Variants in BCKDK observed in about 807,000 individuals in gnomAD.
BCKDK encodes the protein branched-chain alpha-ketoacid dehydrogenase kinase.
A neutral mutation model predicts 43.9 loss-of-function variants in BCKDK; 28 were observed. The observed-to-expected ratio is 0.64, with a 90% CI of 0.47 to 0.87. The LOEUF is 0.87. Among genes scored for constraint, BCKDK ranks in the 40% least tolerant of loss-of-function variants. BCKDK has a pLI of 0.00. For missense variants in BCKDK, 483 were observed against 581.4 expected, an observed-to-expected ratio of 0.83 and a Z score of 1.74; for synonymous variants, 257 against 234.3, an observed-to-expected ratio of 1.10 and a Z score of -0.88.
intron 8 of BCKDK, 27 bp from the exon 9 acceptor site, chr16:31,111,063 CT>C: frequency 6.2e-7 from 1 of 1,611,610 alleles, no homozygotes; most frequent in Non-Finnish European, 8.5e-7. Context: ...GGAGGGGCCC[CT>C]GACTGAACCC....
chr16:31,117,525 A>C (rs1230992629), downstream of BCKDK: 2 of 539,878 alleles, frequency 3.7e-6, no homozygotes, highest in Non-Finnish European at 5.9e-6. Context: ...CTCAACATCC[A>C]ACTCGCGGGG....
rs200118163 is a variant in BCKDK, at chr16:31,109,826, G to A, written c.375+43G>A. 3 of 1,578,542 alleles carry A rather than the reference G, an allele frequency of 1.9e-6. No homozygotes were observed. Among genetic ancestry groups the A allele is most frequent in the Non-Finnish European group, 2.6e-6 (3 of 1,149,446 alleles). On this transcript the variant is annotated intron_variant, in intron 4 of 11. Coordinates refer to ENST00000219794, the MANE Select transcript of BCKDK (RefSeq NM_005881.4). This position sits in a 1 kb window ranked among gnomAD's most constrained non-coding sequence, Gnocchi z 5.3. ...TTAGGTCAGCGGGCCACCCTGCCCC[G>A]GGGGCAAGTGGGGAGTCTGGGGCCC...
Position 31,109,465 on chromosome 16 carries a change from GGA to G in BCKDK, c.196-42_196-41del. 6.2e-7 allele frequency: 1 copy of G among 1,613,542 alleles called. No homozygotes were observed. The highest frequency in any genetic ancestry group is 2.2e-5 in the East Asian group (1 of 44,822). On this transcript the variant is annotated intron_variant, in intron 2 of 11. Coordinates refer to ENST00000219794, the MANE Select transcript of BCKDK (RefSeq NM_005881.4). The surrounding 1 kb of genome is among the most constrained non-coding windows in gnomAD (Gnocchi z 5.3). ...CCAGGGTCCGGGATGTAGGCGGGAG[GGA>G]GAGTGTTGGGGGTTCTCTGCTCAAG...
chr16:31,117,570 GC>G, downstream of BCKDK: 1 of 898,142 alleles, frequency 1.1e-6, no homozygotes, highest in South Asian at 2.6e-5. Context: ...ATCGGCTCCT[GC>G]TACATCACAG....
Position 31,112,573 on chromosome 16 carries a change from G to A in BCKDK, c.*308G>A. On this transcript the variant is annotated 3_prime_UTR_variant, in exon 12 of 12. Transcript: ENST00000219794. This position sits in a 1 kb window ranked among gnomAD's most constrained non-coding sequence, Gnocchi z 5.0. ...AGTTCACATTTTGAATGCCCTCTCGGGCCCCGTGTGTGGGGAGGGCAGGTG... is the reference window on the plus strand; with the variant it reads ...AGTTCACATTTTGAATGCCCTCTCGAGCCCCGTGTGTGGGGAGGGCAGGTG... 1 of 487,574 alleles carries A rather than the reference G, an allele frequency of 2.1e-6. No homozygotes were observed. The highest frequency in any genetic ancestry group is 3.8e-6 in the Non-Finnish European group (1 of 264,630). 30.2% of individuals were successfully genotyped at this position (487,574 alleles called of 1,614,324 possible).
rs753006924 is a variant in BCKDK at position 31,112,158 on chromosome 16, G to GAGT, written c.1134_1136dup (p.Glu378_Tyr379insTer). Reference sequence around the variant, plus strand: ...GTTGCCCACGTCACGGGCCTACGCGGAGTACCTCGGTGGGTCTCTGCAGCT... The same window carrying GAGT: ...GTTGCCCACGTCACGGGCCTACGCGGAGTAGTACCTCGGTGGGTCTCTGCAGCT... On this transcript the variant is annotated stop_gained and inframe_insertion, in exon 12 of 12. Transcript: ENST00000219794. LOFTEE classifies it high-confidence loss of function. The surrounding 1 kb of genome is among the most constrained non-coding windows in gnomAD (Gnocchi z 5.0). 1 of 1,613,622 alleles carries GAGT rather than the reference G, an allele frequency of 6.2e-7. No individual in the cohort carries two copies. The highest frequency in any genetic ancestry group is 1.3e-5 in the African/African-American group (1 of 75,066).
downstream of BCKDK, among the ~76,000 whole-genome samples, chr16:31,114,298 C>G (rs112221487): frequency 6.0e-5 from 9 of 148,928 alleles, no homozygotes; most frequent in East Asian, 1.6e-3. Context: ...CCACCCCCCC[C>G]CAACCCCAGG....
downstream of BCKDK, chr16:31,117,566 T>A (rs1274722079): frequency 1.2e-6 from 1 of 848,078 alleles, no homozygotes; most frequent in Non-Finnish European, 1.6e-6. Context: ...GCCAATCGGC[T>A]CCTGCTACAT....
Position 31,111,227 on chromosome 16 carries a change from G to A in BCKDK, c.845+8G>A. The A allele has an allele frequency of 6.2e-7, 1 of 1,614,210 alleles. No individual in the cohort carries two copies. Among genetic ancestry groups the A allele is most frequent in the Non-Finnish European group, 8.5e-7 (1 of 1,180,028 alleles). On this transcript the variant is annotated splice_region_variant and intron_variant, in intron 9 of 11. Coordinates refer to ENST00000219794, the MANE Select transcript of BCKDK (RefSeq NM_005881.4). ...GCTCAAGAATGCCATGAGGTGGGGT[G>A]GCTTGATGTGCTGGCTTGGGGGCGG...
chr16:31,116,927 A>AGG (rs1219944810), downstream of BCKDK, among the ~76,000 whole-genome samples: 16 of 9,502 alleles, frequency 1.7e-3, no homozygotes, highest in East Asian at 0.026. Context: ...AAAAAAAAAA[A>AGG]AGGGGGGGGG....
chr16:31,116,148 C>A (rs528967877), downstream of BCKDK, among the ~76,000 whole-genome samples: 3 of 151,630 alleles, frequency 2.0e-5, no homozygotes, highest in South Asian at 6.3e-4. Context: ...GATCTTCTGA[C>A]CTCGTGATCC....
Position 31,110,906 on chromosome 16 carries a change from C to A in BCKDK, c.716+145C>A, listed in dbSNP as rs973327827. The A allele has an allele frequency of 1.5e-6, 2 of 1,358,458 alleles. No homozygotes were observed. Among genetic ancestry groups the A allele is most frequent in the African/African-American group, 1.4e-5 (1 of 69,568 alleles). The allele number at this position is 1,358,458 out of a possible 1,614,324, so 84.2% of individuals were successfully genotyped here. A position where few individuals can be genotyped will look rare whatever the true frequency, so the allele number is the denominator to read the frequency against. On this transcript the variant is annotated intron_variant, in intron 8 of 11. Transcript: ENST00000219794. This position sits in a 1 kb window ranked among gnomAD's most constrained non-coding sequence, Gnocchi z 5.4. ...CATTTCCAGCCAGATAATTCTTTGT[C>A]ACAGGGGCTGCCCCGTGCACGTTAG...
rs2057404934 is a variant in BCKDK at position 31,110,750 on chromosome 16, G to A, written c.705G>A (p.Val235=). The part of the protein sequence containing the change: ...LSPKKIIEKW[V]DFARRLCEHK... Reference sequence around the variant, plus strand: ...CAAAGAAGATTATTGAGAAGTGGGTGGACTTTGCCAGGTGAGGCAAGAATG... The same window carrying A: ...CAAAGAAGATTATTGAGAAGTGGGTAGACTTTGCCAGGTGAGGCAAGAATG... Residue 235 remains valine (V), a synonymous_variant, in exon 8 of 12, where the codon GTG becomes GTA. Coordinates refer to ENST00000219794, the MANE Select transcript of BCKDK (RefSeq NM_005881.4). The surrounding 1 kb of genome is among the most constrained non-coding windows in gnomAD (Gnocchi z 5.4). 6.2e-7 allele frequency: 1 copy of A among 1,614,120 alleles called. No homozygotes were observed.
rs1052316770 is a variant in BCKDK at position 31,109,954 on chromosome 16, C to G, written c.376-123C>G. ...GTGTATTCACGGAGCCTGGAAGGGT[C>G]GAAGTGGGGGTTTGATCACGTGGTC... On this transcript the variant is annotated intron_variant, in intron 4 of 11. Transcript: ENST00000219794. The surrounding 1 kb of genome is among the most constrained non-coding windows in gnomAD (Gnocchi z 5.3). 3 of 1,456,882 alleles carry G rather than the reference C, an allele frequency of 2.1e-6. No homozygotes were observed. Among genetic ancestry groups the G allele is most frequent in the East Asian group, 2.3e-5 (1 of 43,830 alleles). The allele number at this position is 1,456,882 out of a possible 1,614,324, so 90.2% of individuals were successfully genotyped here. A position where few individuals can be genotyped will look rare whatever the true frequency, so the allele number is the denominator to read the frequency against.
chr16:31,114,295 C>CT (rs201091866), downstream of BCKDK, among the ~76,000 whole-genome samples: 27 of 145,146 alleles, frequency 1.9e-4, no homozygotes, highest in African/African-American at 6.3e-4. Context: ...GCCCCACCCC[C>CT]CCCCAACCCC....
chr16:31,110,827 T>C lies in BCKDK; in HGVS notation c.716+66T>C, dbSNP rs1350397237. On this transcript the variant is annotated intron_variant, in intron 8 of 11. Transcript: ENST00000219794. The surrounding 1 kb of genome is among the most constrained non-coding windows in gnomAD (Gnocchi z 5.4). ...GCAGGGAAGGCTTGGGTCTGAGCCC[T>C]TGCCCGGGGCATGATCTGCGGGGAG... The C allele has an allele frequency of 9.7e-6, 15 of 1,547,388 alleles. No individual in the cohort carries two copies. In the East Asian group the frequency reaches 3.1e-4, roughly 32 times the overall value.
At position 31,109,681 on chromosome 16, in the gene BCKDK, TCGG is replaced by T. The variant is rs757688773; in HGVS notation, c.274_276del (p.Arg92del). The T allele has an allele frequency of 6.2e-7, 1 of 1,614,070 alleles. No individual in the cohort carries two copies. Among genetic ancestry groups the T allele is most frequent in the South Asian group, 1.1e-5 (1 of 91,086 alleles). ...TTCTCATTTTCTCCCAGAAAAGTGC[TCGG>T]TACCTGCAGCAAGAACTTCCAGTGA... On this transcript the variant is annotated inframe_deletion, in exon 4 of 12. Coordinates refer to ENST00000219794, the MANE Select transcript of BCKDK (RefSeq NM_005881.4). The surrounding 1 kb of genome is among the most constrained non-coding windows in gnomAD (Gnocchi z 5.3).
rs918369917 is a variant in BCKDK, at chr16:31,111,997, A to G, written c.1064A>G (p.His355Arg). Residue 355 changes from histidine to arginine, a missense_variant, in exon 11 of 12, where the codon CAT (histidine) becomes CGT (arginine). His to Arg is a conservative substitution (Grantham distance 29). Coordinates refer to ENST00000219794, the MANE Select transcript of BCKDK (RefSeq NM_005881.4). ...CCCCTCTTTGGCCATCTGGACATGCATAGTGGCGCCCAGTCAGGACCCATG... is the reference window on the plus strand; with the variant it reads ...CCCCTCTTTGGCCATCTGGACATGCGTAGTGGCGCCCAGTCAGGACCCATG... ...ISPLFGHLDM[H>R]SGAQSGPMHG... is the part of the protein sequence containing the mutation. The G allele has an allele frequency of 6.2e-7, 1 of 1,614,094 alleles. No individual in the cohort carries two copies. The highest frequency in any genetic ancestry group is 8.5e-7 in the Non-Finnish European group (1 of 1,179,996).
At chr16:31,114,290 A>AC (rs144629484), downstream of BCKDK, among the ~76,000 whole-genome samples, 59,407 of 111,676 alleles carry the variant, frequency 0.53, 13,800 homozygotes, top group South Asian at 0.75. Flanking sequence ...CCTCCGCCCC[A>AC]CCCCCCCCCA....
Sources: allele counts gnomAD v4.1 joint callset (sites outside exome capture counted in the v4.1 genomes callset), GRCh38; gene constraint gnomAD v4.1.1; non-coding constraint Gnocchi (gnomAD v3.1); transcripts MANE v1.5; gene names NCBI Gene and HGNC (gene_info 2026-07-23, HGNC 2026-07-21).